The following SENP7 variants were observed in gnomAD, a reference collection of about 807,000 sequenced individuals.
The protein encoded by SENP7 is sentrin-specific protease 7.
Under a neutral mutation model 141.2 loss-of-function variants are expected in SENP7, and 64 were observed. That is an observed-to-expected ratio of 0.45 (90% confidence interval 0.37 to 0.56). The LOEUF is 0.56. Among genes scored for constraint, SENP7 ranks in the 20% least tolerant of loss-of-function variants. The probability of loss-of-function intolerance (pLI) is 0.00; values close to 1 mark genes in which losing one functional copy is unlikely to be tolerated. For missense variants in SENP7, 1,025 were observed against 1,212.2 expected (o/e 0.85, Z 2.29); for synonymous variants, 382 against 426.4 (o/e 0.90, Z 1.28).
intron 6 of SENP7, among the ~76,000 whole-genome samples, chr3:101,393,244 AAACAGGGGAAT>A (rs1487606038): frequency 1.2e-4 from 18 of 152,316 alleles, no homozygotes; most frequent in African/African-American, 3.8e-4. Flanking sequence ...AAAATTTCCA[AAACAGGGGAAT>A]AACTATATGA....
At chr3:101,424,327 G>T (rs1417041921) in intron 4 of SENP7, among the ~76,000 whole-genome samples, 1 of 118,876 alleles carries the variant, frequency 8.4e-6, no homozygotes, top group African/African-American at 3.4e-5. Context: ...CCCCATCCCC[G>T]CACGTTGCTT....
At chr3:101,460,198 G>T (rs1336760233) in intron 3 of SENP7, among the ~76,000 whole-genome samples, 1 of 152,072 alleles carries the variant, frequency 6.6e-6, no homozygotes, top group Non-Finnish European at 1.5e-5. Context: ...TGCAGAAATG[G>T]ACAAACTGAT....
intron 4 of SENP7, among the ~76,000 whole-genome samples, chr3:101,456,719 C>T (rs574926599): frequency 6.6e-6 from 1 of 152,216 alleles, no homozygotes; most frequent in African/African-American, 2.4e-5. Context: ...CCCAAAGAAC[C>T]TGTGCCCACC....
intron 4 of SENP7, among the ~76,000 whole-genome samples, chr3:101,449,607 T>G (rs1412313355): frequency 1.3e-5 from 2 of 152,110 alleles, no homozygotes; most frequent in Admixed American, 1.3e-4. Context: ...GAATTTCATA[T>G]CCAGCCAAAC....
At chr3:101,370,384 A>C (rs1404910460) in intron 7 of SENP7, among the ~76,000 whole-genome samples, 2 of 152,150 alleles carry the variant, frequency 1.3e-5, no homozygotes, top group Admixed American at 1.3e-4. Context: ...TTACTTGGTA[A>C]TCAATACAGT....
Position 101,347,934 on chromosome 3 carries a change from A to T in SENP7, c.1775T>A (p.Val592Asp). 1 of 1,609,722 alleles carries T rather than the reference A, an allele frequency of 6.2e-7. No homozygotes were observed. Among genetic ancestry groups the T allele is most frequent in the Non-Finnish European group, 8.5e-7 (1 of 1,176,884 alleles). ...AATCTCTTGAAGATAATCTGAAGAG[A>T]CCCAGAAGAAAAGAATAGCATGACT... ...KRSHAILFFW[V>D]SSDYLQEIQT... Residue 592 changes from valine (V) to aspartate (D), a missense_variant, in exon 13 of 24, where the codon GTC (valine) becomes GAC (aspartate). Coordinates refer to ENST00000394095, the MANE Select transcript of SENP7 (RefSeq NM_020654.5).
intron 6 of SENP7, among the ~76,000 whole-genome samples, chr3:101,378,243 C>A (rs971676465): frequency 1.3e-5 from 2 of 151,390 alleles, no homozygotes; most frequent in African/African-American, 4.9e-5. Flanking sequence ...AGAACCAGAA[C>A]CAGACATGTC....
At chr3:101,498,949 A>G (rs530939788) in intron 2 of SENP7, among the ~76,000 whole-genome samples, 3 of 152,306 alleles carry the variant, frequency 2.0e-5, no homozygotes, top group African/African-American at 7.2e-5. Flanking sequence ...CCATGGGAAA[A>G]CTGTCTTCCA....
At chr3:101,416,676 T>C (rs1237969920) in intron 5 of SENP7, among the ~76,000 whole-genome samples, 1 of 152,192 alleles carries the variant, frequency 6.6e-6, no homozygotes, top group East Asian at 1.9e-4. Context: ...CTTTTTATGA[T>C]TTTGTCTTTT....
At chr3:101,473,699 T>C (rs1452678203) in intron 3 of SENP7, among the ~76,000 whole-genome samples, 1 of 152,200 alleles carries the variant, frequency 6.6e-6, no homozygotes, top group African/African-American at 2.4e-5. Flanking sequence ...GTTTACTCTG[T>C]TGACAGTTTC....
intron 4 of SENP7, among the ~76,000 whole-genome samples, chr3:101,447,050 G>A (rs188285507): frequency 6.6e-6 from 1 of 152,020 alleles, no homozygotes; most frequent in East Asian, 1.9e-4. Context: ...CAAAAAGTGA[G>A]ACATAAAAAT....
chr3:101,373,066 G>A (rs1482704341), intron 6 of SENP7, among the ~76,000 whole-genome samples: 1 of 151,798 alleles, frequency 6.6e-6, no homozygotes, highest in South Asian at 2.1e-4. Context: ...TATTTGGAAG[G>A]CTAAAAATGA....
In SENP7 at chr3:101,501,116, A is replaced by T; in HGVS notation, c.44T>A (p.Ile15Asn). ...KLGRRPSSSE[I>N]ITEGKRKKSS... ...CTTTTTCCTTTTTCCTTCTGTGATG[A>T]TTTCTACAAAAACCAAAGACGTGGT... Residue 15 changes from isoleucine to asparagine, a missense_variant, in exon 2 of 24, where the codon ATC (isoleucine) becomes AAC (asparagine). Around this residue, in one of 4 missense-constraint regions of SENP7, gnomAD observed 496 missense variants for 503.5 expected, o/e 0.99. Coordinates refer to ENST00000394095, the MANE Select transcript of SENP7 (RefSeq NM_020654.5). 1 of 1,605,414 alleles carries T rather than the reference A, an allele frequency of 6.2e-7. No individual in the cohort carries two copies. The highest frequency in any genetic ancestry group is 1.1e-5 in the South Asian group (1 of 90,024).
chr3:101,450,467 A>C (rs547361713), intron 4 of SENP7, among the ~76,000 whole-genome samples: 4 of 152,342 alleles, frequency 2.6e-5, no homozygotes, highest in African/African-American at 9.6e-5. Flanking sequence ...TTGGAAGTAA[A>C]GCACTCCTCA....
intron 11 of SENP7, chr3:101,359,386 A>G (rs2059831060): frequency 6.7e-6 from 1 of 149,276 alleles, no homozygotes; most frequent in Admixed American, 6.7e-5. Flanking sequence ...TATATATAAT[A>G]TATATAAATA....
intron 3 of SENP7, among the ~76,000 whole-genome samples, chr3:101,479,253 T>C (rs1432556505): frequency 6.6e-6 from 1 of 152,048 alleles, no homozygotes; most frequent in East Asian, 1.9e-4. Flanking sequence ...AAAGAGGAAG[T>C]AAAATTATCC....
chr3:101,437,423 T>C (rs1036356500), intron 4 of SENP7, among the ~76,000 whole-genome samples: 5 of 152,264 alleles, frequency 3.3e-5, no homozygotes, highest in Admixed American at 1.3e-4. Context: ...GGATACCCCA[T>C]TCTCCATGAC....
intron 6 of SENP7, among the ~76,000 whole-genome samples, chr3:101,374,094 A>G (rs1385404736): frequency 6.6e-6 from 1 of 152,224 alleles, no homozygotes; most frequent in East Asian, 1.9e-4. Context: ...GTGGTACTAG[A>G]ATAAAGAGAG....
At chr3:101,459,215 T>TG (rs1438377138) in intron 3 of SENP7, among the ~76,000 whole-genome samples, 163 bp from the exon 4 acceptor site, 17 of 152,182 alleles carry the variant, frequency 1.1e-4, no homozygotes, top group African/African-American at 4.1e-4. Context: ...CTTTTACTAA[T>TG]GCATAAATGT....
Sources: gnomAD v4.1 joint callset for allele counts (sites outside exome capture counted in the v4.1 genomes callset) on GRCh38, gnomAD v4.1.1 for gene constraint, gnomAD v4.1.1 regional missense constraint, MANE v1.5 for transcripts, NCBI Gene and HGNC (gene_info 2026-07-23, HGNC 2026-07-21) for gene names.